PCDHA9: variants seen among roughly 807,000 people sequenced by gnomAD.
The protein encoded by PCDHA9 is protocadherin alpha-9.
Under a neutral mutation model 62.0 loss-of-function variants are expected in PCDHA9, and 62 were observed. The ratio of observed to expected loss-of-function variants is 1.00; its 90% CI spans 0.81 to 1.23. The LOEUF (loss-of-function observed/expected upper bound fraction) is 1.23. Among genes scored for constraint, PCDHA9 ranks in the 50% most tolerant of loss-of-function variants. PCDHA9 has a pLI of 0.00. For missense variants in PCDHA9, 1,205 were observed against 1,249.8 expected, an observed-to-expected ratio of 0.96 and a Z score of 0.54; for synonymous variants, 557 against 567.6, an observed-to-expected ratio of 0.98 and a Z score of 0.27.
intron 1 of PCDHA9, among the ~76,000 whole-genome samples, chr5:140,908,630 CA>C (rs2074062492): frequency 6.6e-6 from 1 of 152,126 alleles, no homozygotes; most frequent in East Asian, 1.9e-4. Flanking sequence ...TTGAGGTCTC[CA>C]CTGTGATTCA....
intron 1 of PCDHA9, among the ~76,000 whole-genome samples, chr5:140,924,726 C>T (rs1294650773): frequency 1.3e-5 from 2 of 151,796 alleles, no homozygotes; most frequent in African/African-American, 4.8e-5. Context: ...GAAACCTCAC[C>T]TCTAATAAAA....
At chr5:140,988,761 A>G (rs1320753301) in intron 3 of PCDHA9, among the ~76,000 whole-genome samples, 1 of 152,218 alleles carries the variant, frequency 6.6e-6, no homozygotes, top group Non-Finnish European at 1.5e-5. Context: ...TGGGCAGAAT[A>G]CAGTCATGGT....
chr5:140,852,046 T>C, intron 1 of PCDHA9: 1 of 917,334 alleles, frequency 1.1e-6, no homozygotes, highest in South Asian at 5.0e-5. Flanking sequence ...TTTTGTTATG[T>C]GGTTTATATT....
In PCDHA9 at chr5:140,982,507, G is replaced by A. The variant is rs555523473; in HGVS notation, c.2486G>A (p.Arg829Gln). 21 of 1,614,138 alleles carry A rather than the reference G, an allele frequency of 1.3e-5. No individual in the cohort carries two copies. The highest frequency in any genetic ancestry group is 4.0e-5 in the African/African-American group (3 of 75,040). ...CACCTAGAGGAGGCTGGCATTCTAC[G>A]GGCTGGTCCAGGAGGGCCTGATCAG... is the stretch of plus-strand genomic sequence containing the variant. ...SVHLEEAGILRAGPGGPDQQW... is the reference protein window; with the variant it reads ...SVHLEEAGILQAGPGGPDQQW... The change falls in exon 3 of 4, where the codon CGG (arginine) becomes CAG (glutamine). Residue 829 changes from arginine (R) to glutamine (Q), a missense_variant. Arg to Gln is a conservative substitution (Grantham distance 43). This residue lies in a region of PCDHA9 where 887 missense variants were observed against 809.5 expected (regional missense o/e 1.10). Coordinates refer to ENST00000532602, the MANE Select transcript of PCDHA9 (RefSeq NM_031857.2).
intron 1 of PCDHA9, among the ~76,000 whole-genome samples, chr5:140,957,165 A>G (rs2095338056): frequency 6.6e-6 from 1 of 152,190 alleles, no homozygotes; most frequent in Non-Finnish European, 1.5e-5. Context: ...AAATCTAAGT[A>G]TATAAATTGG....
At chr5:140,876,099 T>C (rs782428764) in intron 1 of PCDHA9, 7 of 1,613,954 alleles carry the variant, frequency 4.3e-6, no homozygotes, top group Middle Eastern at 1.6e-4. Context: ...CAAAACTCAA[T>C]TTATTGCTGA....
intron 1 of PCDHA9, among the ~76,000 whole-genome samples, chr5:140,920,225 G>A (rs80019196): frequency 2.9e-3 from 441 of 151,762 alleles, no homozygotes; most frequent in African/African-American, 0.01. Flanking sequence ...CACATTTATA[G>A]TATTATATAC....
chr5:140,901,829 T>C (rs1449316816), intron 1 of PCDHA9, among the ~76,000 whole-genome samples: 1 of 152,230 alleles, frequency 6.6e-6, no homozygotes, highest in African/African-American at 2.4e-5. Flanking sequence ...TTCCAGTCCA[T>C]AAACATGCAA....
chr5:140,870,472 C>G (rs782403878), intron 1 of PCDHA9: 4 of 1,614,240 alleles, frequency 2.5e-6, no homozygotes, highest in South Asian at 1.1e-5. Flanking sequence ...GTTCGCACAG[C>G]CCGAGTACAC....
chr5:140,917,778 G>A (rs1271229686), intron 1 of PCDHA9, among the ~76,000 whole-genome samples: 4 of 152,218 alleles, frequency 2.6e-5, no homozygotes, highest in African/African-American at 9.6e-5. Flanking sequence ...TTAGTACCAT[G>A]TTGTTTTGGT....
At chr5:140,891,246 A>AT (rs1213637493) in intron 1 of PCDHA9, among the ~76,000 whole-genome samples, 11 of 151,766 alleles carry the variant, frequency 7.2e-5, no homozygotes, top group South Asian at 2.1e-4. Context: ...ATTCAGTAGG[A>AT]TTTTTTTTAA....
At chr5:140,983,272 G>A (rs2097037556) in intron 3 of PCDHA9, among the ~76,000 whole-genome samples, 1 of 152,176 alleles carries the variant, frequency 6.6e-6, no homozygotes, top group African/African-American at 2.4e-5. Context: ...TAATGGCTGG[G>A]TGAGTATAGG....
intron 1 of PCDHA9, chr5:140,883,572 T>C: frequency 6.2e-7 from 1 of 1,614,098 alleles, no homozygotes; most frequent in Non-Finnish European, 8.5e-7. Flanking sequence ...TCGCCTTCGC[T>C]GTGGGCCACG....
intron 1 of PCDHA9, among the ~76,000 whole-genome samples, chr5:140,886,712 G>A (rs950364984): frequency 1.3e-5 from 2 of 151,798 alleles, no homozygotes; most frequent in Middle Eastern, 3.4e-3. Flanking sequence ...TGTAATCCCA[G>A]CTACTTGGGA....
chr5:140,897,178 CA>C (rs1414076017), intron 1 of PCDHA9, among the ~76,000 whole-genome samples: 4 of 151,978 alleles, frequency 2.6e-5, no homozygotes, highest in South Asian at 2.1e-4. Context: ...TCCATGGGTT[CA>C]AAAAATATAT....
chr5:140,877,112 G>A, intron 1 of PCDHA9: 1 of 1,613,670 alleles, frequency 6.2e-7, no homozygotes, highest in Non-Finnish European at 8.5e-7. Flanking sequence ...CCTCTGGGCA[G>A]CAACGTGACG....
intron 1 of PCDHA9, among the ~76,000 whole-genome samples, chr5:140,959,306 T>C (rs1554224009): frequency 6.6e-6 from 1 of 152,072 alleles, no homozygotes. Flanking sequence ...AGCCCGGTGG[T>C]TGAAGCTGCA....
intron 1 of PCDHA9, among the ~76,000 whole-genome samples, chr5:140,906,752 G>A (rs1328101001): frequency 6.6e-6 from 1 of 152,152 alleles, no homozygotes; most frequent in Non-Finnish European, 1.5e-5. Context: ...ACAGGGCATG[G>A]TAATACTAAG....
At chr5:140,903,302 T>C (rs1299735621) in intron 1 of PCDHA9, among the ~76,000 whole-genome samples, 2 of 152,136 alleles carry the variant, frequency 1.3e-5, no homozygotes, top group Admixed American at 6.5e-5. Flanking sequence ...AAATTTAGTA[T>C]ACAATAAAGA....
Sources: gnomAD v4.1 joint callset for allele counts (sites outside exome capture counted in the v4.1 genomes callset) on GRCh38, gnomAD v4.1.1 for gene constraint, gnomAD v4.1.1 regional missense constraint, MANE v1.5 for transcripts, NCBI Gene and HGNC (gene_info 2026-07-23, HGNC 2026-07-21) for gene names.